The following PRDM16 variants were observed in gnomAD, a reference collection of about 807,000 sequenced individuals.
PRDM16 encodes the protein histone-lysine N-methyltransferase PRDM16.
Under a neutral mutation model 110.6 loss-of-function variants are expected in PRDM16, and 23 were observed. That is an observed-to-expected ratio of 0.21 (90% CI 0.15 to 0.29). PRDM16 has a LOEUF of 0.29. Among genes scored for constraint, PRDM16 ranks in the 10% least tolerant of loss-of-function variants. The probability of loss-of-function intolerance (pLI) is 1.00; values close to 1 mark genes in which losing one functional copy is unlikely to be tolerated. For missense variants in PRDM16, 1,615 were observed against 1,794.3 expected (o/e 0.90, Z 1.81); for synonymous variants, 799 against 781.8 (o/e 1.02, Z -0.37).
intron 1 of PRDM16, among the ~76,000 whole-genome samples, chr1:3,137,656 G>T (rs945666276): frequency 6.6e-6 from 1 of 152,248 alleles, no homozygotes; most frequent in Admixed American, 6.5e-5. Flanking sequence ...CTTCTCTGCG[G>T]CAAACCCCAT....
chr1:3,199,796 C>T lies in PRDM16; in HGVS notation c.387+13322C>T, dbSNP rs560761731. 6.4e-4 allele frequency among the ~76,000 whole-genome samples: 98 copies of T among 152,310 alleles called. 2 individuals carry two copies. The East Asian group carries it at 0.015, about 24-fold the overall frequency. ...ACGCCACTCTGCTGGCCCTTGATGC[C>T]TCCCACATGGACACGAGCACCATGC... On this transcript the variant is annotated intron_variant, in intron 2 of 16. Transcript: ENST00000270722.
intron 3 of PRDM16, among the ~76,000 whole-genome samples, chr1:3,311,030 G>C (rs886128638): frequency 6.6e-6 from 1 of 152,138 alleles, no homozygotes; most frequent in Non-Finnish European, 1.5e-5. Context: ...AGCATGGTTG[G>C]TGGTGGTGGC....
At position 3,323,803 on chromosome 1, in the gene PRDM16, G is replaced by A. The variant is rs548076245; in HGVS notation, c.439-61349G>A. ...CCCCGAGTATTTACAACTCCTGGCC[G>A]TGGCCTGTGACAATGTGACGGCTTA... is the stretch of plus-strand genomic sequence containing the variant. On this transcript the variant is annotated intron_variant, in intron 3 of 16. Transcript: ENST00000270722. Among the ~76,000 whole-genome samples the A allele has an allele frequency of 2.8e-4, 42 of 152,336 alleles. 1 individual carries two copies. Among genetic ancestry groups the A allele is most frequent in the African/African-American group, 9.1e-4 (38 of 41,584 alleles).
intron 3 of PRDM16, among the ~76,000 whole-genome samples, chr1:3,349,238 G>A (rs1478653202): frequency 2.0e-5 from 3 of 152,184 alleles, no homozygotes; most frequent in Non-Finnish European, 2.9e-5. Flanking sequence ...CTGGCTCCCA[G>A]TGAGGGTCCC....
chr1:3,252,047 G>C (rs1338470856), intron 3 of PRDM16, among the ~76,000 whole-genome samples: 1 of 152,224 alleles, frequency 6.6e-6, no homozygotes, highest in Non-Finnish European at 1.5e-5. Flanking sequence ...AGTGAGCCGG[G>C]TGGCGGGGTT....
intron 3 of PRDM16, among the ~76,000 whole-genome samples, chr1:3,249,501 C>G (rs1047808147): frequency 5.9e-5 from 9 of 151,910 alleles, no homozygotes; most frequent in African/African-American, 1.7e-4. Flanking sequence ...GCCGGAGTGC[C>G]GTCACTAAAC....
chr1:3,433,359 G>T (rs1321216009), intron 16 of PRDM16, among the ~76,000 whole-genome samples: 1 of 152,264 alleles, frequency 6.6e-6, no homozygotes, highest in South Asian at 2.1e-4. Flanking sequence ...CCCAGGGCAA[G>T]GTTGAGCCAG....
chr1:3,120,428 C>T (rs1015177109), intron 1 of PRDM16, among the ~76,000 whole-genome samples: 8 of 151,958 alleles, frequency 5.3e-5, no homozygotes, highest in Non-Finnish European at 1.5e-5. Flanking sequence ...GCTGGGAGGA[C>T]GGGAGGGGCT....
intron 3 of PRDM16, among the ~76,000 whole-genome samples, chr1:3,361,679 G>A (rs1356154249): frequency 6.6e-6 from 1 of 152,238 alleles, no homozygotes; most frequent in Non-Finnish European, 1.5e-5. Flanking sequence ...CATGGGCTGG[G>A]GTGAAGAGTG....
At chr1:3,317,470 C>T (rs1040440950) in intron 3 of PRDM16, among the ~76,000 whole-genome samples, 1 of 152,220 alleles carries the variant, frequency 6.6e-6, no homozygotes, top group Admixed American at 6.5e-5. Context: ...TCCTGGTGTC[C>T]GGCATGAGGC....
chr1:3,341,007 C>T (rs1482912382), intron 3 of PRDM16, among the ~76,000 whole-genome samples: 1 of 152,148 alleles, frequency 6.6e-6, no homozygotes, highest in Admixed American at 6.5e-5. Flanking sequence ...GCTGAAGGCT[C>T]CAGGCTAGGG....
At chr1:3,272,579 G>T (rs529517627) in intron 3 of PRDM16, among the ~76,000 whole-genome samples, 9 of 152,230 alleles carry the variant, frequency 5.9e-5, no homozygotes, top group Non-Finnish European at 1.2e-4. Flanking sequence ...CCGCCAGTGA[G>T]CCTGGGGACA....
At chr1:3,309,085 C>G (rs949278686) in intron 3 of PRDM16, 1 of 152,182 alleles carries the variant, frequency 6.6e-6, no homozygotes, top group East Asian at 1.9e-4. Context: ...TCCCTGTGGA[C>G]CCAGCTCCTC....
rs565898779 is a variant in PRDM16, at chr1:3,388,839, G to A, written c.573+3553G>A. 4.6e-5 allele frequency among the ~76,000 whole-genome samples: 7 copies of A among 152,312 alleles called. No homozygotes were observed. In the South Asian group the frequency reaches 1.5e-3, roughly 32 times the overall value. On this transcript the variant is annotated intron_variant, in intron 4 of 16. Coordinates refer to ENST00000270722, the MANE Select transcript of PRDM16 (RefSeq NM_022114.4). ...CTTCAGCCCATCCCGGGCTCCTCCTGGCCTTCACTGGATGTGGGTTGCTGT... is the reference window on the plus strand; with the variant it reads ...CTTCAGCCCATCCCGGGCTCCTCCTAGCCTTCACTGGATGTGGGTTGCTGT...
At chr1:3,191,002 A>G (rs927595367) in intron 2 of PRDM16, among the ~76,000 whole-genome samples, 2 of 151,938 alleles carry the variant, frequency 1.3e-5, no homozygotes, top group Non-Finnish European at 2.9e-5. Flanking sequence ...CAGGACCCCC[A>G]GGGGAGGCAC....
intron 3 of PRDM16, among the ~76,000 whole-genome samples, chr1:3,317,611 T>G (rs867633799): frequency 1.3e-5 from 2 of 152,336 alleles, no homozygotes; most frequent in African/African-American, 2.4e-5. Flanking sequence ...CTCCTGCCTC[T>G]TGGCTCCGCC....
At chr1:3,415,440 G>T (rs1643762845) in intron 10 of PRDM16, among the ~76,000 whole-genome samples, 1 of 152,262 alleles carries the variant, frequency 6.6e-6, no homozygotes, top group Admixed American at 6.5e-5. Flanking sequence ...CCCCGCCGTG[G>T]ACGGGCCCCC....
At position 3,426,077 on chromosome 1, in the gene PRDM16, A is replaced by T. The variant is rs1430503837; in HGVS notation, c.3136A>T (p.Asn1046Tyr). Residue 1046 changes from asparagine (N) to tyrosine (Y), a missense_variant, in exon 14 of 17, where the codon AAC (asparagine) becomes TAC (tyrosine). Coordinates refer to ENST00000270722, the MANE Select transcript of PRDM16 (RefSeq NM_022114.4). ...PVSQHPGVLT[N>Y]HLGTSASSPT... ...GAGCCAGCACCCCGGGGTCCTCACG[A>T]ACCACCTGGGGACCAGCGCGTCCTC... 6.2e-7 allele frequency: 1 copy of T among 1,613,620 alleles called. No individual in the cohort carries two copies. The highest frequency in any genetic ancestry group is 1.1e-5 in the South Asian group (1 of 91,046).
rs1644167879 is a variant in PRDM16, at chr1:3,181,244, A to AGTCTTACACACGGCCTTACGCATG, written c.38-4869_38-4868insGCCTTACGCATGGTCTTACACACG. On this transcript the variant is annotated intron_variant, in intron 1 of 16. Coordinates refer to ENST00000270722, the MANE Select transcript of PRDM16 (RefSeq NM_022114.4). ...CAGTCTTACACACGGTCTTACACACAGTCTTACACACGCAGTCTTACACAC... is the reference window on the plus strand; with the variant it reads ...CAGTCTTACACACGGTCTTACACACAGTCTTACACACGGCCTTACGCATGGTCTTACACACGCAGTCTTACACAC... 1.4e-3 allele frequency among the ~76,000 whole-genome samples: 70 copies of AGTCTTACACACGGCCTTACGCATG among 48,562 alleles called. No individual in the cohort carries two copies. The East Asian group carries it at 0.015, about 10-fold the overall frequency. 31.9% of individuals were successfully genotyped at this position (48,562 alleles called of 152,430 possible).
Sources: gnomAD v4.1 joint callset for allele counts (sites outside exome capture counted in the v4.1 genomes callset) on GRCh38, gnomAD v4.1.1 for gene constraint, MANE v1.5 for transcripts, NCBI Gene and HGNC (gene_info 2026-07-23, HGNC 2026-07-21) for gene names.